The following CHRM3 variants were observed in gnomAD, a reference collection of about 807,000 sequenced individuals.
CHRM3 encodes the protein muscarinic acetylcholine receptor M3.
CHRM3 carries 11 observed loss-of-function variants against 41.8 expected under a neutral mutation model. That is an observed-to-expected ratio of 0.26 (90% CI 0.17 to 0.44). The LOEUF is 0.44. Ranked by LOEUF, CHRM3 falls within the 20% of genes least tolerant of loss-of-function variation. The pLI, the probability that CHRM3 is intolerant of heterozygous loss-of-function variation, is 1.00. For synonymous variants in CHRM3, 297 were observed against 301.4 expected (o/e 0.99, Z 0.15); for missense variants, 571 against 745.4 (o/e 0.77, Z 2.72).
rs144250132 is a variant in CHRM3 at position 239,513,372 on chromosome 1, C to A, written c.-422+20565C>A. ...TCATTGTTGTTTTAACTTGGAATTT[C>A]TTAGTGACATATGATGTTTATGTTT... On this transcript the variant is annotated intron_variant, in intron 2 of 6. Transcript: ENST00000676153. Among the ~76,000 whole-genome samples, 1,012 of 152,054 alleles carry A rather than the reference C, an allele frequency of 6.7e-3. 14 individuals carry two copies. The highest frequency in any genetic ancestry group is 0.023 in the African/African-American group (942 of 41,474).
intron 2 of CHRM3, among the ~76,000 whole-genome samples, chr1:239,521,746 A>G (rs1266925092): frequency 6.6e-6 from 1 of 152,164 alleles, no homozygotes; most frequent in Non-Finnish European, 1.5e-5. Context: ...CAGATTTAGT[A>G]TACTAAAAAA....
intron 5 of CHRM3, among the ~76,000 whole-genome samples, chr1:239,794,073 G>T (rs903850134): frequency 6.6e-6 from 1 of 152,064 alleles, no homozygotes; most frequent in Non-Finnish European, 1.5e-5. Context: ...CCAAAGGGTT[G>T]GGATTACAGG....
intron 5 of CHRM3, among the ~76,000 whole-genome samples, chr1:239,793,231 A>G (rs1262542708): frequency 6.6e-6 from 1 of 152,228 alleles, no homozygotes; most frequent in Non-Finnish European, 1.5e-5. Flanking sequence ...GGAATACTTC[A>G]GGATTTTTCA....
chr1:239,598,910 G>A (rs985555563), intron 3 of CHRM3, among the ~76,000 whole-genome samples: 4 of 149,098 alleles, frequency 2.7e-5, no homozygotes, highest in Non-Finnish European at 5.9e-5. Flanking sequence ...ACGCATGGAC[G>A]CTTCCCACTC....
At chr1:239,433,177 T>G (rs535273875) in intron 1 of CHRM3, among the ~76,000 whole-genome samples, 1 of 152,188 alleles carries the variant, frequency 6.6e-6, no homozygotes, top group Non-Finnish European at 1.5e-5. Flanking sequence ...AAGAATCTTA[T>G]CCTATTCTAA....
intron 1 of CHRM3, among the ~76,000 whole-genome samples, chr1:239,407,417 T>TATATATAGAGAGAGAGAG: frequency 7.5e-6 from 1 of 134,082 alleles, no homozygotes. Flanking sequence ...TATATATATA[T>TATATATAGAGAGAGAGAG]AGAGAGAGAG....
chr1:239,822,554 A>G (rs1672139573), intron 5 of CHRM3, among the ~76,000 whole-genome samples: 1 of 152,188 alleles, frequency 6.6e-6, no homozygotes, highest in Non-Finnish European at 1.5e-5. Context: ...TAACTTTTAC[A>G]ACTTGAAAAA....
At chr1:239,461,657 C>G (rs1189174678) in intron 1 of CHRM3, among the ~76,000 whole-genome samples, 1 of 152,064 alleles carries the variant, frequency 6.6e-6, no homozygotes, top group Non-Finnish European at 1.5e-5. Context: ...CTGGTGGTCT[C>G]TCTGGTTGAT....
At chr1:239,780,250 A>G (rs1183544509) in intron 5 of CHRM3, among the ~76,000 whole-genome samples, 1 of 152,216 alleles carries the variant, frequency 6.6e-6, no homozygotes, top group African/African-American at 2.4e-5. Context: ...CCTGTTGGCA[A>G]TAAATTAAAG....
intron 5 of CHRM3, among the ~76,000 whole-genome samples, chr1:239,815,413 A>G (rs1475985752): frequency 6.6e-6 from 1 of 152,186 alleles, no homozygotes; most frequent in Non-Finnish European, 1.5e-5. Context: ...GTAAAATTAA[A>G]AGGCTTGTCC....
intron 4 of CHRM3, among the ~76,000 whole-genome samples, chr1:239,671,902 G>T (rs902447050): frequency 6.6e-6 from 1 of 152,094 alleles, no homozygotes; most frequent in African/African-American, 2.4e-5. Context: ...ATGTCACCAA[G>T]AAAGAAAAGG....
At chr1:239,651,062 A>G (rs753643825) in intron 4 of CHRM3, among the ~76,000 whole-genome samples, 29 of 152,248 alleles carry the variant, frequency 1.9e-4, no homozygotes, top group Non-Finnish European at 3.8e-4. Context: ...AGTGCCTGGA[A>G]CATAGTAGAT....
chr1:239,563,137 T>C (rs920206395), intron 3 of CHRM3, among the ~76,000 whole-genome samples: 32 of 152,048 alleles, frequency 2.1e-4, no homozygotes, highest in African/African-American at 4.6e-4. Context: ...GCTTCAGAGG[T>C]TTCACTGCCT....
chr1:239,463,310 T>C (rs1665493936), intron 1 of CHRM3, among the ~76,000 whole-genome samples: 1 of 152,216 alleles, frequency 6.6e-6, no homozygotes, highest in Non-Finnish European at 1.5e-5. Context: ...ATTTTCTTGG[T>C]GAGTCTGAAA....
intron 4 of CHRM3, among the ~76,000 whole-genome samples, chr1:239,640,614 C>T (rs1671019513): frequency 6.6e-6 from 1 of 150,636 alleles, no homozygotes; most frequent in South Asian, 2.1e-4. Flanking sequence ...TGGTGATATC[C>T]CCTTTATCAT....
At chr1:239,741,907 C>T (rs1324767838) in intron 5 of CHRM3, among the ~76,000 whole-genome samples, 2 of 152,122 alleles carry the variant, frequency 1.3e-5, no homozygotes, top group African/African-American at 4.8e-5. Flanking sequence ...TCTACCTATC[C>T]ATCAAACATT....
chr1:239,805,249 C>A (rs2148944220), intron 5 of CHRM3, among the ~76,000 whole-genome samples: 1 of 152,262 alleles, frequency 6.6e-6, no homozygotes, highest in Middle Eastern at 3.4e-3. Context: ...ACCTGCTAGT[C>A]CAGCGCAGAT....
intron 5 of CHRM3, among the ~76,000 whole-genome samples, chr1:239,768,980 G>T (rs188528045): frequency 6.6e-6 from 1 of 151,998 alleles, no homozygotes; most frequent in South Asian, 2.1e-4. Flanking sequence ...GCCCAGGCTG[G>T]TCTCCAACAC....
intron 1 of CHRM3, among the ~76,000 whole-genome samples, chr1:239,397,812 T>G (rs1659627163): frequency 6.6e-6 from 1 of 150,474 alleles, no homozygotes. Flanking sequence ...TTAGTGTATT[T>G]AATAAAACTA....
Sources: allele counts gnomAD v4.1 joint callset (sites outside exome capture counted in the v4.1 genomes callset), GRCh38; gene constraint gnomAD v4.1.1; transcripts MANE v1.5; gene names NCBI Gene and HGNC (gene_info 2026-07-23, HGNC 2026-07-21).